Variants in DNAH2 observed in about 807,000 individuals in gnomAD.
DNAH2 encodes the protein axonemal beta dynein heavy chain 2.
A neutral mutation model predicts 523.5 loss-of-function variants in DNAH2; 323 were observed. The ratio of observed to expected loss-of-function variants is 0.62; its 90% CI spans 0.56 to 0.68. The LOEUF (loss-of-function observed/expected upper bound fraction) is 0.68. Among genes scored for constraint, DNAH2 ranks in the 30% least tolerant of loss-of-function variants. DNAH2 has a pLI of 0.00. For synonymous variants in DNAH2, 2,093 were observed against 2,177.4 expected, an observed-to-expected ratio of 0.96 and a Z score of 1.08; for missense variants, 4,907 against 5,701.5, an observed-to-expected ratio of 0.86 and a Z score of 4.49.
intron 58 of DNAH2, among the ~76,000 whole-genome samples, chr17:7,802,284 G>T (rs1597713154): frequency 6.6e-6 from 1 of 152,168 alleles, no homozygotes; most frequent in East Asian, 1.9e-4. Flanking sequence ...AATATAACTG[G>T]AACATTGCCA....
chr17:7,814,000 C>CTTCACTGTG (rs1467963271), intron 63 of DNAH2, among the ~76,000 whole-genome samples: 42 of 151,742 alleles, frequency 2.8e-4, no homozygotes, highest in Non-Finnish European at 5.1e-4. Flanking sequence ...AAGTCTCTGA[C>CTTCACTGTG]TTCACTGTGC....
rs925384106 is a variant in DNAH2, at chr17:7,779,119, C to G, written c.5542-124C>G. ...CAACAGTGTACTCTGGTGCCCTCCTCCCTGCCCCCTAGTCTGGAGGCCGCC... is the reference window on the plus strand; with the variant it reads ...CAACAGTGTACTCTGGTGCCCTCCTGCCTGCCCCCTAGTCTGGAGGCCGCC... On this transcript the variant is annotated intron_variant, in intron 35 of 85. Transcript: ENST00000572933. The G allele has an allele frequency of 2.7e-6, 3 of 1,118,392 alleles. No individual in the cohort carries two copies. The African/African-American group carries it at 4.7e-5, about 17-fold the overall frequency. The allele number at this position is 1,118,392 out of a possible 1,614,324, so 69.3% of individuals were successfully genotyped here. A position where few individuals can be genotyped will look rare whatever the true frequency, so the allele number is the denominator to read the frequency against.
chr17:7,817,691 T>A lies in DNAH2; in HGVS notation c.10151T>A (p.Ile3384Asn). ...SDAFSTENGIIVTRGNRWALM... is the reference protein window; with the variant it reads ...SDAFSTENGINVTRGNRWALM... ...GCCTTCTCCACTGAGAATGGCATCATCGTCACCCGAGGCAACAGGTGAGGG... is the reference window on the plus strand; with the variant it reads ...GCCTTCTCCACTGAGAATGGCATCAACGTCACCCGAGGCAACAGGTGAGGG... Residue 3384 changes from isoleucine to asparagine, a missense_variant, in exon 66 of 86, where the codon ATC (isoleucine) becomes AAC (asparagine). Coordinates refer to ENST00000572933, the MANE Select transcript of DNAH2 (RefSeq NM_020877.5). The A allele has an allele frequency of 6.2e-7, 1 of 1,614,106 alleles. No homozygotes were observed. Among genetic ancestry groups the A allele is most frequent in the Non-Finnish European group, 8.5e-7 (1 of 1,180,010 alleles).
In DNAH2 at chr17:7,754,371, G is replaced by A; in HGVS notation, c.1905-2720G>A. 3 of 516,254 alleles carry A rather than the reference G, an allele frequency of 5.8e-6. No individual in the cohort carries two copies. Among genetic ancestry groups the A allele is most frequent in the Non-Finnish European group, 1.0e-5 (3 of 292,148 alleles). 32.0% of individuals were successfully genotyped at this position (516,254 alleles called of 1,614,324 possible). A position where few individuals can be genotyped will look rare whatever the true frequency, so the allele number is the denominator to read the frequency against. ...AGGCTTCCGGTTCTAGGTGCTTCAG[G>A]AGCCGTGGCTTAAGGTGCAGACATG... On this transcript the variant is annotated intron_variant, in intron 12 of 85. Coordinates refer to ENST00000572933, the MANE Select transcript of DNAH2 (RefSeq NM_020877.5). The surrounding 1 kb of genome is among the most constrained non-coding windows in gnomAD (Gnocchi z 4.6).
chr17:7,736,846 G>C (rs889407410), intron 7 of DNAH2, among the ~76,000 whole-genome samples: 5 of 152,196 alleles, frequency 3.3e-5, no homozygotes, highest in African/African-American at 1.2e-4. Context: ...GCTGGGCGTT[G>C]TGGTGGGCAC....
At chr17:7,804,223 C>T in intron 58 of DNAH2, 33 bp from the exon 59 acceptor site, 1 of 1,610,614 alleles carries the variant, frequency 6.2e-7, no homozygotes, top group East Asian at 2.2e-5. Context: ...GGAAGCCCCG[C>T]CTCTCCACAC....
At chr17:7,766,665 T>TTC (rs2076177735) in intron 22 of DNAH2, among the ~76,000 whole-genome samples, 184 bp downstream of exon 22, 1 of 137,694 alleles carries the variant, frequency 7.3e-6, no homozygotes, top group African/African-American at 2.8e-5. Flanking sequence ...TTTTTTTTTT[T>TTC]GAGATAGAGT....
chr17:7,782,466 G>A (rs1232811905), intron 39 of DNAH2, among the ~76,000 whole-genome samples: 2 of 152,150 alleles, frequency 1.3e-5, no homozygotes, highest in African/African-American at 4.8e-5. Context: ...GTGCCCCCAG[G>A]TGACTGGAAG....
In DNAH2 at chr17:7,760,069, A is replaced by C; in HGVS notation, c.2785+131A>C. 2 of 1,396,860 alleles carry C rather than the reference A, an allele frequency of 1.4e-6. No homozygotes were observed. The highest frequency in any genetic ancestry group is 2.0e-6 in the Non-Finnish European group (2 of 1,010,258). 86.5% of individuals were successfully genotyped at this position (1,396,860 alleles called of 1,614,324 possible). On this transcript the variant is annotated intron_variant, in intron 17 of 85. Transcript: ENST00000572933. The surrounding 1 kb of genome is among the most constrained non-coding windows in gnomAD (Gnocchi z 4.0). ...CACCTCCCTGACCTGGGGAAAACTC[A>C]GGTCAAGGGGCCAGATCGGCTGGCA...
Position 7,791,931 on chromosome 17 carries a change from C to T in DNAH2, c.6915C>T (p.Asp2305=), listed in dbSNP as rs533911514. 8.2e-5 allele frequency: 132 copies of T among 1,613,374 alleles called. No individual in the cohort carries two copies. Among genetic ancestry groups the T allele is most frequent in the Admixed American group, 3.3e-4 (20 of 59,866 alleles). Residue 2305 remains aspartate (D), a synonymous_variant, in exon 45 of 86, where the codon GAC becomes GAT. Coordinates refer to ENST00000572933, the MANE Select transcript of DNAH2 (RefSeq NM_020877.5). ...ATPENGVNPA[D]GENYVTMVEM... Reference sequence around the variant, plus strand: ...TCTCCATCCAGGTGAACCCAGCTGACGGCGAGAACTATGTCACCATGGTAG... The same window carrying T: ...TCTCCATCCAGGTGAACCCAGCTGATGGCGAGAACTATGTCACCATGGTAG...
chr17:7,769,132 T>A (rs1027327946), intron 24 of DNAH2, among the ~76,000 whole-genome samples: 2 of 152,196 alleles, frequency 1.3e-5, no homozygotes, highest in African/African-American at 4.8e-5. Context: ...AAGGGAGTTG[T>A]CTATCATGAC....
At chr17:7,815,074 C>T (rs1268333149) in intron 63 of DNAH2, among the ~76,000 whole-genome samples, 3 of 152,208 alleles carry the variant, frequency 2.0e-5, no homozygotes, top group African/African-American at 7.2e-5. Flanking sequence ...CCTTGGCTTC[C>T]CAAAGTGCTG....
chr17:7,821,245 A>G lies in DNAH2; in HGVS notation c.11018A>G (p.Tyr3673Cys). The G allele has an allele frequency of 6.2e-7, 1 of 1,612,556 alleles. No homozygotes were observed. The highest frequency in any genetic ancestry group is 1.1e-5 in the South Asian group (1 of 90,828). ...NDYHTYAVYRYTCRTLFERHK... is the reference protein window; with the variant it reads ...NDYHTYAVYRCTCRTLFERHK... The stretch of plus-strand genomic sequence containing the variant: ...TCTTCCCTGTCCCTTTCTCCCAGGT[A>G]CACCTGCCGTACCCTTTTCGAACGC... Residue 3673 changes from tyrosine to cysteine, a missense_variant and splice_region_variant, in exon 73 of 86, where the codon TAC becomes TGC. Coordinates refer to ENST00000572933, the MANE Select transcript of DNAH2 (RefSeq NM_020877.5). This position sits in a 1 kb window ranked among gnomAD's most constrained non-coding sequence, Gnocchi z 5.0.
At chr17:7,787,107 G>C in intron 42 of DNAH2, 74 bp downstream of exon 42, 1 of 1,565,724 alleles carries the variant, frequency 6.4e-7, no homozygotes, top group Non-Finnish European at 8.7e-7. Flanking sequence ...CTGGGGAGGA[G>C]AGCCAGAAAT....
chr17:7,740,010 G>C (rs1461931425), intron 9 of DNAH2, 72 bp downstream of exon 9: 5 of 1,498,360 alleles, frequency 3.3e-6, no homozygotes, highest in Non-Finnish European at 4.5e-6. Flanking sequence ...TGGGAGGAGT[G>C]GCGAGAGTAT....
rs755018308 is a variant in DNAH2, at chr17:7,797,288, G to A, written c.7949+27G>A. ...TGACATGCATGTGCCCTGGCCAAAC[G>A]AAGGCTTCCTCAGCCTTGCTCCCAC... On this transcript the variant is annotated intron_variant, in intron 51 of 85. Transcript: ENST00000572933. 2.2e-5 allele frequency: 36 copies of A among 1,613,682 alleles called. 1 individual carries two copies. The South Asian group carries it at 3.3e-4, about 15-fold the overall frequency.
At position 7,760,762 on chromosome 17, in the gene DNAH2, G is replaced by A. The variant is rs750037557; in HGVS notation, c.2808G>A (p.Lys936=). ...AAGAGCAAGATGAGGACATCAAGAA[G>A]ATCCAGACCCAAATCAGCAGCGGCA... ...TVVEQDEDIK[K]IQTQISSGMT... Residue 936 remains lysine (K), a synonymous_variant, in exon 18 of 86, where the codon AAG becomes AAA. Transcript: ENST00000572933. The surrounding 1 kb of genome is among the most constrained non-coding windows in gnomAD (Gnocchi z 4.0). 9 of 1,613,990 alleles carry A rather than the reference G, an allele frequency of 5.6e-6. No homozygotes were observed. Among genetic ancestry groups the A allele is most frequent in the Non-Finnish European group, 7.6e-6 (9 of 1,179,946 alleles).
intron 12 of DNAH2, among the ~76,000 whole-genome samples, chr17:7,752,160 TAC>T (rs1555544463): frequency 4.7e-3 from 585 of 125,034 alleles, no homozygotes; most frequent in Admixed American, 7.5e-3. Flanking sequence ...TAAGTCATTT[TAC>T]ACACACACAC....
chr17:7,818,769 A>C lies in DNAH2; in HGVS notation c.10663A>C (p.Ile3555Leu), dbSNP rs140369156. The change falls in exon 70 of 86, where the codon ATC becomes CTC. Residue 3555 changes from isoleucine to leucine, a missense_variant. By Grantham distance (5) the Ile-to-Leu change is conservative. Coordinates refer to ENST00000572933, the MANE Select transcript of DNAH2 (RefSeq NM_020877.5). ...KRKLKELEDEILRLLNEATGS... is the reference protein window; with the variant it reads ...KRKLKELEDELLRLLNEATGS... ...GAAGCTCAAGGAGCTGGAGGATGAG[A>C]TCCTGCGGTGAGGCCCTGCCTTCCC... is the stretch of plus-strand genomic sequence containing the variant. 2 of 1,613,900 alleles carry C rather than the reference A, an allele frequency of 1.2e-6. No individual in the cohort carries two copies. Among genetic ancestry groups the C allele is most frequent in the South Asian group, 2.2e-5 (2 of 91,080 alleles).
Sources: allele counts gnomAD v4.1 joint callset (sites outside exome capture counted in the v4.1 genomes callset), GRCh38; gene constraint gnomAD v4.1.1; non-coding constraint Gnocchi (gnomAD v3.1); transcripts MANE v1.5; gene names NCBI Gene and HGNC (gene_info 2026-07-23, HGNC 2026-07-21).